The following MYO9A variants were observed in gnomAD, a reference collection of about 807,000 sequenced individuals.
MYO9A encodes myosin IXA.
A neutral mutation model predicts 293.3 loss-of-function variants in MYO9A; 103 were observed. The observed-to-expected ratio is 0.35, with a 90% CI of 0.30 to 0.41. The LOEUF (loss-of-function observed/expected upper bound fraction) is 0.41, where lower values mean the gene tolerates loss of function less well. Ranked by LOEUF, MYO9A falls within the 10% of genes least tolerant of loss-of-function variation. The probability of loss-of-function intolerance (pLI) is 1.00; values close to 1 mark genes in which losing one functional copy is unlikely to be tolerated. For missense variants in MYO9A, 2,685 were observed against 3,033.0 expected (o/e 0.89, Z 2.69); for synonymous variants, 1,001 against 1,035.7 (o/e 0.97, Z 0.64).
intron 18 of MYO9A, among the ~76,000 whole-genome samples, chr15:71,922,040 C>T (rs745688678): frequency 5.9e-5 from 9 of 152,092 alleles, no homozygotes; most frequent in East Asian, 1.9e-4. Context: ...TGCAGTGGCG[C>T]GATCCTGGCT....
intron 34 of MYO9A, chr15:71,858,757 T>A (rs2055978895): frequency 6.7e-6 from 1 of 148,334 alleles, no homozygotes; most frequent in Non-Finnish European, 1.5e-5. Flanking sequence ...CTAATGTAAA[T>A]GATGAGTTAA....
chr15:71,968,232 T>C (rs2075926015), intron 12 of MYO9A, 107 bp from the exon 13 acceptor site: 3 of 964,594 alleles, frequency 3.1e-6, no homozygotes, highest in African/African-American at 3.3e-5. Context: ...CCATCTTACA[T>C]AGCAGTTTAC....
chr15:71,930,551 T>C (rs552896569), intron 18 of MYO9A, among the ~76,000 whole-genome samples: 1 of 152,300 alleles, frequency 6.6e-6, no homozygotes, highest in African/African-American at 2.4e-5. Flanking sequence ...CGTGGGATAC[T>C]TTTTTCCATC....
rs1217431390 is a variant in MYO9A at position 71,968,101 on chromosome 15, T to C, written c.1869A>G (p.Thr623=). ...ESNFPQATNQ[T]LLDKFKHQHE... ...GTTGATGCTTAAACTTGTCTAGCAATGTTTGATTTGTAGCCTGTGGAAAGC... is the reference window on the plus strand; with the variant it reads ...GTTGATGCTTAAACTTGTCTAGCAACGTTTGATTTGTAGCCTGTGGAAAGC... Residue 623 remains threonine (T), a synonymous_variant, in exon 13 of 42, where the codon ACA becomes ACG. Coordinates refer to ENST00000356056, the MANE Select transcript of MYO9A (RefSeq NM_006901.4). 6 of 1,599,950 alleles carry C rather than the reference T, an allele frequency of 3.8e-6. No homozygotes were observed. Among genetic ancestry groups the C allele is most frequent in the South Asian group, 1.1e-5 (1 of 88,372 alleles).
chr15:71,854,304 G>T, intron 35 of MYO9A, 73 bp downstream of exon 35: 1 of 1,185,266 alleles, frequency 8.4e-7, no homozygotes. Flanking sequence ...GACATGTAAT[G>T]AAAACTTTAA....
chr15:72,039,697 C>T (rs1046490300), intron 2 of MYO9A, among the ~76,000 whole-genome samples: 4 of 152,124 alleles, frequency 2.6e-5, no homozygotes, highest in Admixed American at 2.0e-4. Flanking sequence ...GGTGTGGTGG[C>T]GCACACCTAT....
In MYO9A at chr15:71,875,828, G is replaced by GT; in HGVS notation, c.5941dup (p.Thr1981AsnfsTer12). The stretch of plus-strand genomic sequence containing the variant: ...CTTTTTCCTTCTTTTCTTTCTTTCT[G>GT]TTTTTGGCACCTGACAGGGGGACAG... On this transcript the variant is annotated frameshift_variant, in exon 32 of 42. Transcript: ENST00000356056. LOFTEE classifies it high-confidence loss of function. 3 of 1,366,982 alleles carry GT rather than the reference G, an allele frequency of 2.2e-6. No homozygotes were observed. The highest frequency in any genetic ancestry group is 1.9e-4 in the Middle Eastern group (1 of 5,298). The allele number at this position is 1,366,982 out of a possible 1,614,324, so 84.7% of individuals were successfully genotyped here. A position where few individuals can be genotyped will look rare whatever the true frequency, so the allele number is the denominator to read the frequency against.
intron 9 of MYO9A, among the ~76,000 whole-genome samples, chr15:71,998,734 C>T (rs2076779065): frequency 6.6e-6 from 1 of 151,830 alleles, no homozygotes; most frequent in Non-Finnish European, 1.5e-5. Context: ...CCCGCTTCCC[C>T]CACCGCACAA....
chr15:71,894,738 T>G (rs1047425198), intron 25 of MYO9A, among the ~76,000 whole-genome samples: 7 of 152,206 alleles, frequency 4.6e-5, no homozygotes, highest in Non-Finnish European at 1.0e-4. Context: ...AAAAACTGTA[T>G]GATGAGAATG....
rs1469841807 is a variant in MYO9A, at chr15:71,906,760, T to TTC, written c.2686-1755_2686-1754insGA. ...AATCAGATAATATCCATTTCTTTCT[T>TTC]TTTTTTTTTTTTTTTTTTCCTGAGA... On this transcript the variant is annotated intron_variant, in intron 19 of 41. Transcript: ENST00000356056. Among the ~76,000 whole-genome samples, 320 of 96,744 alleles carry TTC rather than the reference T, an allele frequency of 3.3e-3. 3 individuals carry two copies. Among genetic ancestry groups the TTC allele is most frequent in the Non-Finnish European group, 5.6e-3 (267 of 48,032 alleles). The allele number at this position is 96,744 out of a possible 152,430, so 63.5% of individuals were successfully genotyped here.
intron 1 of MYO9A, among the ~76,000 whole-genome samples, chr15:72,047,910 A>G (rs929724302): frequency 4.6e-5 from 7 of 151,232 alleles, no homozygotes; most frequent in African/African-American, 1.7e-4. Flanking sequence ...GGCTGGGACT[A>G]CAGGTGTGCG....
At chr15:71,888,566 C>T (rs1358530922) in intron 26 of MYO9A, 1 of 152,270 alleles carries the variant, frequency 6.6e-6, no homozygotes, top group Non-Finnish European at 1.5e-5. Context: ...ATGGAATATG[C>T]AATGATTTTT....
At chr15:71,936,630 A>T (rs1596237201) in intron 16 of MYO9A, among the ~76,000 whole-genome samples, 1 of 152,250 alleles carries the variant, frequency 6.6e-6, no homozygotes, top group East Asian at 1.9e-4. Context: ...TGAACTAAAA[A>T]TTTTTTAAAA....
chr15:72,058,959 T>C (rs1443981179), intron 1 of MYO9A, among the ~76,000 whole-genome samples: 7 of 152,244 alleles, frequency 4.6e-5, no homozygotes, highest in Non-Finnish European at 8.8e-5. Context: ...TTTCAAAATA[T>C]ATACATTAAT....
intron 12 of MYO9A, among the ~76,000 whole-genome samples, chr15:71,976,155 G>A (rs558763800): frequency 1.4e-4 from 22 of 152,292 alleles, no homozygotes; most frequent in African/African-American, 5.1e-4. Flanking sequence ...CTACCTCCAG[G>A]TAGACAGTGT....
intron 39 of MYO9A, among the ~76,000 whole-genome samples, chr15:71,838,256 A>G (rs1277524770): frequency 6.6e-6 from 1 of 151,874 alleles, no homozygotes; most frequent in African/African-American, 2.4e-5. Context: ...AATTGAAAAT[A>G]TTTTCTTATG....
intron 39 of MYO9A, among the ~76,000 whole-genome samples, chr15:71,833,498 A>G (rs939671793): frequency 6.6e-6 from 1 of 151,652 alleles, no homozygotes; most frequent in Admixed American, 6.5e-5. Flanking sequence ...TGACAAAACT[A>G]TTTTTAAAAA....
chr15:72,101,850 C>A (rs552534371), intron 1 of MYO9A, among the ~76,000 whole-genome samples: 1 of 150,118 alleles, frequency 6.7e-6, no homozygotes. Context: ...CCAGCCGCCC[C>A]GTCCGGGAGG....
Position 71,854,368 on chromosome 15 carries a change from C to T in MYO9A, c.6346+9G>A. 6.7e-7 allele frequency: 1 copy of T among 1,484,898 alleles called. No homozygotes were observed. The highest frequency in any genetic ancestry group is 8.9e-7 in the Non-Finnish European group (1 of 1,118,800). The allele number at this position is 1,484,898 out of a possible 1,614,324, so 92.0% of individuals were successfully genotyped here. A position where few individuals can be genotyped will look rare whatever the true frequency, so the allele number is the denominator to read the frequency against. ...GTATTTCATTATGATTTAGAGGGCA[C>T]TATCTTACCTGTATCTAGACCCTGC... is the stretch of plus-strand genomic sequence containing the variant. On this transcript the variant is annotated intron_variant, in intron 35 of 41. Coordinates refer to ENST00000356056, the MANE Select transcript of MYO9A (RefSeq NM_006901.4).
Sources: allele counts gnomAD v4.1 joint callset (sites outside exome capture counted in the v4.1 genomes callset), GRCh38; gene constraint gnomAD v4.1.1; transcripts MANE v1.5; gene names NCBI Gene and HGNC (gene_info 2026-07-23, HGNC 2026-07-21).